The following SUGP2 variants were observed in gnomAD, a reference collection of about 807,000 sequenced individuals.
SUGP2 encodes the protein SURP and G-patch domain-containing protein 2.
Under a neutral mutation model 90.5 loss-of-function variants are expected in SUGP2, and 24 were observed. That is an observed-to-expected ratio of 0.27 (90% CI 0.19 to 0.37). The LOEUF is 0.37. SUGP2 is among the 10% of genes least tolerant of loss of function. The probability of loss-of-function intolerance (pLI) is 1.00; values close to 1 mark genes in which losing one functional copy is unlikely to be tolerated. For missense variants in SUGP2, 1,233 were observed against 1,363.3 expected (o/e 0.90, Z 1.51); for synonymous variants, 473 against 513.4 (o/e 0.92, Z 1.06).
intron 4 of SUGP2, among the ~76,000 whole-genome samples, chr19:19,017,833 C>G (rs1599512973): frequency 6.6e-6 from 1 of 152,022 alleles, no homozygotes; most frequent in East Asian, 1.9e-4. Flanking sequence ...TCAAAAGCCT[C>G]TAACATGAGC....
In SUGP2 at chr19:19,025,205, G is replaced by A. The variant is rs749661519; in HGVS notation, c.1143C>T (p.Cys381=). ...CSLKPEHRDF[C]FFTIKFLKHS... ...GCTTTAAAAATTTGATAGTAAAAAA[G>A]CAAAAATCTCTGTGCTCTGGTTTTA... Residue 381 remains cysteine, a synonymous_variant, in exon 3 of 11, where the codon TGC becomes TGT. Coordinates refer to ENST00000452918, the MANE Select transcript of SUGP2 (RefSeq NM_001017392.5). 16 of 1,612,276 alleles carry A rather than the reference G, an allele frequency of 9.9e-6. No individual in the cohort carries two copies. In the Admixed American group the frequency reaches 2.7e-4, roughly 27 times the overall value.
rs186412893 is a variant in SUGP2, at chr19:19,022,266, G to A, written c.1729+2353C>T. Among the ~76,000 whole-genome samples the A allele has an allele frequency of 2.8e-3, 422 of 152,322 alleles. 2 individuals carry two copies. Among genetic ancestry groups the A allele is most frequent in the African/African-American group, 9.6e-3 (399 of 41,572 alleles). ...CCCAAAGTGCTGGGATTACAGGCAT[G>A]AGCCACTGCGCCTGGCCCATTATAG... On this transcript the variant is annotated intron_variant, in intron 3 of 10. Coordinates refer to ENST00000452918, the MANE Select transcript of SUGP2 (RefSeq NM_001017392.5).
chr19:19,004,138 AGGCAACTGTGCCGACAGGCG>A lies in SUGP2; in HGVS notation c.2929+10_2929+29del. 6.7e-7 allele frequency: 1 copy of A among 1,496,824 alleles called. No individual in the cohort carries two copies. The highest frequency in any genetic ancestry group is 9.0e-7 in the Non-Finnish European group (1 of 1,111,480). 92.7% of individuals were successfully genotyped at this position (1,496,824 alleles called of 1,614,324 possible). On this transcript the variant is annotated intron_variant, in intron 7 of 10. Transcript: ENST00000452918. ...GCCCACCAACCAAGAACTGTGCTAG[AGGCAACTGTGCCGACAGGCG>A]GGCACTCACCTTTTGGCTCCTGGAT...
chr19:19,024,224 A>C (rs8112566), intron 3 of SUGP2, among the ~76,000 whole-genome samples: 113,319 of 151,692 alleles, frequency 0.75, 42,423 homozygotes, highest in East Asian at 0.89. Flanking sequence ...GATTCTCCTA[A>C]CTCAGCCTCC....
chr19:18,994,367 T>C lies in SUGP2; in HGVS notation c.3248A>G (p.Ter1083TrpextTer11). ...TTACACACTGGCCTGTGAACATACC[T>C]ATTTGTTGGCCCGCTTGTGTCTGTA... Reference protein sequence around the residue: ...QMYRHKRANK* With the variant: ...QMYRHKRANKW Residue 1083 changes from the stop codon to tryptophan, a stop_lost and splice_region_variant, in exon 10 of 11, where the codon TAG becomes TGG. Coordinates refer to ENST00000452918, the MANE Select transcript of SUGP2 (RefSeq NM_001017392.5). 6.2e-7 allele frequency: 1 copy of C among 1,614,124 alleles called. No individual in the cohort carries two copies. Among genetic ancestry groups the C allele is most frequent in the Non-Finnish European group, 8.5e-7 (1 of 1,179,978 alleles).
At chr19:19,018,670 G>C (rs1042954552) in intron 4 of SUGP2, among the ~76,000 whole-genome samples, 2 of 122,832 alleles carry the variant, frequency 1.6e-5, no homozygotes, top group Non-Finnish European at 3.2e-5. Context: ...CTGGGCGACA[G>C]AGCAAGGCTC....
At chr19:19,016,529 T>C (rs2058507877) in intron 4 of SUGP2, among the ~76,000 whole-genome samples, 1 of 152,054 alleles carries the variant, frequency 6.6e-6, no homozygotes, top group African/African-American at 2.4e-5. Context: ...GCCTTCTAAG[T>C]CTGGATGCCT....
Position 19,017,508 on chromosome 19 carries a change from A to C in SUGP2, c.1850+1601T>G, listed in dbSNP as rs572424328. ...CAGCTGAGGCTGGGCGCGGTGGCTCACGCCTGTAATCCCAGCACTTTGGGA... is the reference window on the plus strand; with the variant it reads ...CAGCTGAGGCTGGGCGCGGTGGCTCCCGCCTGTAATCCCAGCACTTTGGGA... On this transcript the variant is annotated intron_variant, in intron 4 of 10. Transcript: ENST00000452918. Among the ~76,000 whole-genome samples the C allele has an allele frequency of 2.0e-5, 3 of 152,334 alleles. No individual in the cohort carries two copies. The East Asian group carries it at 5.8e-4, about 29-fold the overall frequency.
intron 4 of SUGP2, among the ~76,000 whole-genome samples, chr19:19,014,491 C>T (rs1199160569): frequency 6.6e-6 from 1 of 152,094 alleles, no homozygotes; most frequent in South Asian, 2.1e-4. Context: ...CTGACTTTTT[C>T]ACTTGCTAAC....
At chr19:19,005,626 G>A (rs1406026244) in intron 6 of SUGP2, among the ~76,000 whole-genome samples, 1 of 151,918 alleles carries the variant, frequency 6.6e-6, no homozygotes, top group Non-Finnish European at 1.5e-5. Context: ...ACAAAAAAGG[G>A]GTGGGTCTTT....
chr19:19,033,253 G>T, intron 1 of SUGP2, 184 bp downstream of exon 1: 1 of 536,510 alleles, frequency 1.9e-6, no homozygotes, highest in Non-Finnish European at 2.5e-6. Context: ...GAGGAAATGG[G>T]GGCGCCGGGC....
Position 19,004,379 on chromosome 19 carries a change from G to A in SUGP2, c.2718C>T (p.Ala906=), listed in dbSNP as rs773535187. 3 of 1,613,868 alleles carry A rather than the reference G, an allele frequency of 1.9e-6. No individual in the cohort carries two copies. The highest frequency in any genetic ancestry group is 1.7e-5 in the Admixed American group (1 of 59,994). Residue 906 remains alanine (A), a synonymous_variant, in exon 7 of 11, where the codon GCC becomes GCT. Transcript: ENST00000452918. Reference sequence around the variant, plus strand: ...ACTTGCCCGCCCCTCCAGGAGCGGGGGCCTCCTCTCCCCCATCCTCATCGT... The same window carrying A: ...ACTTGCCCGCCCCTCCAGGAGCGGGAGCCTCCTCTCCCCCATCCTCATCGT... ...DEDDEDGGEE[A]PAPGGAGKSE...
intron 8 of SUGP2, among the ~76,000 whole-genome samples, chr19:18,996,241 C>T (rs540559650): frequency 2.6e-5 from 4 of 152,228 alleles, no homozygotes; most frequent in South Asian, 2.1e-4. Flanking sequence ...TACTAAAATA[C>T]AAAAATTAGC....
chr19:19,030,917 AAACAAC>A, intron 2 of SUGP2, 28 bp downstream of exon 2: 1 of 1,594,770 alleles, frequency 6.3e-7, no homozygotes, highest in Non-Finnish European at 8.5e-7. Flanking sequence ...ACCCCTACCA[AAACAAC>A]AACTACAACA....
chr19:19,033,639 T>C (rs1337823698), upstream of SUGP2: 97 of 1,066,348 alleles, frequency 9.1e-5, no homozygotes, highest in East Asian at 3.9e-3. Context: ...GCTGTCCGCT[T>C]CTTCTGGGCG....
In SUGP2 at chr19:19,001,593, C is replaced by G; in HGVS notation, c.2991+20G>C. 3.7e-6 allele frequency: 6 copies of G among 1,613,442 alleles called. No homozygotes were observed. The highest frequency in any genetic ancestry group is 5.1e-6 in the Non-Finnish European group (6 of 1,179,332). On this transcript the variant is annotated intron_variant, in intron 8 of 10. Transcript: ENST00000452918. Reference sequence around the variant, plus strand: ...TAACCAACTATACTTTGAGTGAGGACTACCAATGATTACGCTCACCTTCTT... The same window carrying G: ...TAACCAACTATACTTTGAGTGAGGAGTACCAATGATTACGCTCACCTTCTT...
rs573835187 is a variant in SUGP2 at position 19,028,130 on chromosome 19, T to C, written c.122-1904A>G. Among the ~76,000 whole-genome samples the C allele has an allele frequency of 5.9e-5, 9 of 152,296 alleles. No individual in the cohort carries two copies. The East Asian group carries it at 1.7e-3, about 29-fold the overall frequency. ...TGGTAGGAAGGCAGCTCCCAAACTC[T>C]GCTACTGGAGCCCCAGGGACCACCT... On this transcript the variant is annotated intron_variant, in intron 2 of 10. Transcript: ENST00000452918.
chr19:18,998,589 T>C (rs559489917), intron 8 of SUGP2, among the ~76,000 whole-genome samples: 2 of 151,630 alleles, frequency 1.3e-5, no homozygotes, highest in South Asian at 4.2e-4. Context: ...TGTGTGTGTA[T>C]GCATGTGTGT....
At chr19:19,026,726 C>A (rs1054127206) in intron 2 of SUGP2, among the ~76,000 whole-genome samples, 1 of 152,212 alleles carries the variant, frequency 6.6e-6, no homozygotes, top group Non-Finnish European at 1.5e-5. Context: ...GCCTTCACTG[C>A]CTCTTAGAAG....
Sources: allele counts gnomAD v4.1 joint callset (sites outside exome capture counted in the v4.1 genomes callset), GRCh38; gene constraint gnomAD v4.1.1; transcripts MANE v1.5; gene names NCBI Gene and HGNC (gene_info 2026-07-23, HGNC 2026-07-21).